FNDC3B: variants seen among roughly 807,000 people sequenced by gnomAD.
The protein encoded by FNDC3B is fibronectin type III domain-containing protein 3B.
In FNDC3B, 12 loss-of-function variants were observed where a neutral mutation model predicts 151.5. That is an observed-to-expected ratio of 0.08 (90% CI 0.05 to 0.13). The LOEUF is 0.13. Among genes scored for constraint, FNDC3B ranks in the 10% least tolerant of loss-of-function variants. The pLI is 1.00. For synonymous variants in FNDC3B, 528 were observed against 549.0 expected, an observed-to-expected ratio of 0.96 and a Z score of 0.54; for missense variants, 1,214 against 1,505.3, an observed-to-expected ratio of 0.81 and a Z score of 3.20.
At chr3:172,340,482 C>T (rs1456042420) in intron 16 of FNDC3B, among the ~76,000 whole-genome samples, 2 of 152,062 alleles carry the variant, frequency 1.3e-5, no homozygotes, top group South Asian at 2.1e-4. Context: ...GACAAGGTTT[C>T]GCCAGGTTGG....
At chr3:172,313,813 A>G (rs1450343519) in intron 11 of FNDC3B, among the ~76,000 whole-genome samples, 1 of 152,224 alleles carries the variant, frequency 6.6e-6, no homozygotes, top group East Asian at 1.9e-4. Flanking sequence ...TTCAAGCAGT[A>G]GTAACAAGTT....
Position 172,362,982 on chromosome 3 carries a change from G to A in FNDC3B, c.3008+137G>A, listed in dbSNP as rs1734438458. The stretch of plus-strand genomic sequence containing the variant: ...AGAGGCTTCCTTTGACTTGAGCCCT[G>A]CGTTTTATACCCGGAGTCGTTCCTT... On this transcript the variant is annotated intron_variant, in intron 23 of 25. Transcript: ENST00000415807. The A allele has an allele frequency of 1.5e-5, 10 of 664,464 alleles. No homozygotes were observed. In the East Asian group the frequency reaches 1.9e-4, roughly 13 times the overall value. The allele number at this position is 664,464 out of a possible 1,614,324, so 41.2% of individuals were successfully genotyped here. A position where few individuals can be genotyped will look rare whatever the true frequency, so the allele number is the denominator to read the frequency against.
chr3:172,337,311 A>T lies in FNDC3B; in HGVS notation c.1781-19A>T. ...TCAATATCCTTTTATTGCTAATAAGACATTTGGTTATTTTCCAGATCCCCC... is the reference window on the plus strand; with the variant it reads ...TCAATATCCTTTTATTGCTAATAAGTCATTTGGTTATTTTCCAGATCCCCC... On this transcript the variant is annotated intron_variant, in intron 15 of 25. Coordinates refer to ENST00000415807, the MANE Select transcript of FNDC3B (RefSeq NM_022763.4). The T allele has an allele frequency of 6.5e-7, 1 of 1,540,680 alleles. No individual in the cohort carries two copies. The highest frequency in any genetic ancestry group is 9.0e-7 in the Non-Finnish European group (1 of 1,116,662).
chr3:172,170,358 T>G (rs1723226771), intron 3 of FNDC3B, among the ~76,000 whole-genome samples: 1 of 152,252 alleles, frequency 6.6e-6, no homozygotes, highest in Non-Finnish European at 1.5e-5. Flanking sequence ...GCCAGGAGGC[T>G]CTTCTTGGGC....
intron 4 of FNDC3B, among the ~76,000 whole-genome samples, chr3:172,231,845 C>G (rs1726906173): frequency 6.7e-6 from 1 of 149,800 alleles, no homozygotes; most frequent in Non-Finnish European, 1.5e-5. Context: ...TCTAAAACAC[C>G]AACTGCTTGT....
At chr3:172,091,873 GGTGTGT>G (rs377450281) in intron 1 of FNDC3B, among the ~76,000 whole-genome samples, 15 of 124,756 alleles carry the variant, frequency 1.2e-4, no homozygotes, top group Admixed American at 1.7e-4. Flanking sequence ...ACTTTACTGG[GGTGTGT>G]GTGTGTGTGT....
intron 1 of FNDC3B, among the ~76,000 whole-genome samples, chr3:172,111,043 G>A (rs967486814): frequency 2.0e-5 from 3 of 148,008 alleles, no homozygotes; most frequent in Non-Finnish European, 3.0e-5. Context: ...AGGTTGCAGC[G>A]AGCTGAGATC....
At chr3:172,126,840 G>T (rs1398673789) in intron 2 of FNDC3B, 2 of 289,926 alleles carry the variant, frequency 6.9e-6, no homozygotes, top group Non-Finnish European at 1.4e-5. Context: ...GCTGGCTTTT[G>T]TTATGATAAT....
chr3:172,262,061 G>A (rs1320966918), intron 6 of FNDC3B, among the ~76,000 whole-genome samples: 1 of 152,178 alleles, frequency 6.6e-6, no homozygotes, highest in African/African-American at 2.4e-5. Flanking sequence ...CAGAGGAATG[G>A]CACATTGAAA....
At chr3:172,252,654 A>T (rs1728146460) in intron 6 of FNDC3B, among the ~76,000 whole-genome samples, 1 of 152,002 alleles carries the variant, frequency 6.6e-6, no homozygotes, top group South Asian at 2.1e-4. Context: ...AGGTAAAATG[A>T]AATATCGCCG....
intron 24 of FNDC3B, among the ~76,000 whole-genome samples, chr3:172,378,906 C>T (rs1236202884): frequency 6.6e-6 from 1 of 152,210 alleles, no homozygotes; most frequent in Non-Finnish European, 1.5e-5. Flanking sequence ...CTCTAATCTC[C>T]TGGGGTACTT....
chr3:172,085,060 G>T (rs1425134941), intron 1 of FNDC3B, among the ~76,000 whole-genome samples: 1 of 152,120 alleles, frequency 6.6e-6, no homozygotes, highest in East Asian at 1.9e-4. Context: ...TAAATACGTG[G>T]TGCTACAAGG....
chr3:172,133,569 T>C, intron 3 of FNDC3B, 23 bp downstream of exon 3: 1 of 1,536,154 alleles, frequency 6.5e-7, no homozygotes, highest in South Asian at 1.1e-5. Context: ...TTGGTAAATA[T>C]TCTAATCAAA....
chr3:172,048,129 T>TA (rs1200435299), intron 1 of FNDC3B, among the ~76,000 whole-genome samples: 3 of 152,220 alleles, frequency 2.0e-5, no homozygotes, highest in Non-Finnish European at 4.4e-5. Context: ...TTTTACGTTT[T>TA]ATACTCAGTC....
chr3:172,303,558 T>C (rs1254524414), intron 9 of FNDC3B, among the ~76,000 whole-genome samples: 1 of 152,190 alleles, frequency 6.6e-6, no homozygotes, highest in Non-Finnish European at 1.5e-5. Context: ...CTGAAACAAA[T>C]GTGAAAACAA....
intron 3 of FNDC3B, among the ~76,000 whole-genome samples, chr3:172,209,953 C>G (rs989260790): frequency 6.6e-6 from 1 of 152,250 alleles, no homozygotes; most frequent in African/African-American, 2.4e-5. Flanking sequence ...ACACATCCGG[C>G]TGGCTCGCAA....
At chr3:172,250,568 G>T (rs376156241) in intron 5 of FNDC3B, among the ~76,000 whole-genome samples, 2 of 152,136 alleles carry the variant, frequency 1.3e-5, no homozygotes, top group African/African-American at 4.8e-5. Flanking sequence ...TTTAATAGGG[G>T]TATTTTATTT....
At chr3:172,107,736 C>T (rs1719728732) in intron 1 of FNDC3B, among the ~76,000 whole-genome samples, 2 of 152,068 alleles carry the variant, frequency 1.3e-5, no homozygotes, top group Non-Finnish European at 2.9e-5. Context: ...CTGCACAAAG[C>T]GCACGAGGAA....
intron 3 of FNDC3B, among the ~76,000 whole-genome samples, chr3:172,144,846 T>C (rs1721818461): frequency 6.6e-6 from 1 of 152,138 alleles, no homozygotes; most frequent in African/African-American, 2.4e-5. Flanking sequence ...GGGAATATGC[T>C]TTACTACTTC....
Sources: allele counts gnomAD v4.1 joint callset (sites outside exome capture counted in the v4.1 genomes callset), GRCh38; gene constraint gnomAD v4.1.1; transcripts MANE v1.5; gene names NCBI Gene and HGNC (gene_info 2026-07-23, HGNC 2026-07-21).